The following LCOR variants were observed in gnomAD, a reference collection of about 807,000 sequenced individuals.
LCOR encodes ligand dependent nuclear receptor corepressor.
LCOR carries 14 observed loss-of-function variants against 64.4 expected under a neutral mutation model. The ratio of observed to expected loss-of-function variants is 0.22; its 90% CI spans 0.14 to 0.34. The LOEUF (loss-of-function observed/expected upper bound fraction) is 0.34, where lower values mean the gene tolerates loss of function less well. Among genes scored for constraint, LCOR ranks in the 10% least tolerant of loss-of-function variants. The pLI, the probability that LCOR is intolerant of heterozygous loss-of-function variation, is 1.00. For synonymous variants in LCOR, 643 were observed against 642.5 expected (o/e 1.00, Z -0.01); for missense variants, 1,686 against 1,765.3 (o/e 0.96, Z 0.80).
intron 4 of LCOR, among the ~76,000 whole-genome samples, chr10:96,935,223 A>G (rs2134496433): frequency 7.6e-6 from 1 of 131,060 alleles, no homozygotes; most frequent in Non-Finnish European, 1.5e-5. Flanking sequence ...ATCTTGGCGC[A>G]CTGCAACCTC....
chr10:96,955,040 G>A (rs1226930641), intron 7 of LCOR: 1 of 1,614,040 alleles, frequency 6.2e-7, no homozygotes, highest in Admixed American at 1.7e-5. Context: ...ATGGAACCAG[G>A]GAAGGTTTTG....
At chr10:96,943,230 G>A (rs1847527641) in intron 4 of LCOR, among the ~76,000 whole-genome samples, 1 of 152,152 alleles carries the variant, frequency 6.6e-6, no homozygotes, top group Admixed American at 6.5e-5. Flanking sequence ...TGAGTAGCTG[G>A]GATTGCAGGC....
rs1848167737 is a variant in LCOR, at chr10:96,988,461, T to G, written c.*3327T>G. 1 of 152,196 alleles carries G rather than the reference T, an allele frequency of 6.6e-6. No individual in the cohort carries two copies. Among genetic ancestry groups the G allele is most frequent in the Admixed American group, 6.5e-5 (1 of 15,284 alleles). 9.4% of individuals were successfully genotyped at this position (152,196 alleles called of 1,614,324 possible). A position where few individuals can be genotyped will look rare whatever the true frequency, so the allele number is the denominator to read the frequency against. ...AGAAGAGGTGCCCTTAGTCATCCCT[T>G]TACATATGTGGTGCTTTCTAATGGG... On this transcript the variant is annotated 3_prime_UTR_variant, in exon 8 of 8. Coordinates refer to ENST00000421806, the MANE Select transcript of LCOR (RefSeq NM_001346516.2).
chr10:96,945,114 CTCTTGATAA>C (rs1455777126), intron 5 of LCOR, among the ~76,000 whole-genome samples: 1 of 152,170 alleles, frequency 6.6e-6, no homozygotes, highest in Non-Finnish European at 1.5e-5. Flanking sequence ...TTCATACAAA[CTCTTGATAA>C]TCTTAAATAT....
At chr10:96,855,424 T>C (rs539516134) in intron 2 of LCOR, among the ~76,000 whole-genome samples, 1 of 147,416 alleles carries the variant, frequency 6.8e-6, no homozygotes, top group Non-Finnish European at 1.5e-5. Flanking sequence ...TTTTTTTTTG[T>C]TTTTTGTTTG....
At chr10:96,918,569 G>A (rs996718434) in intron 4 of LCOR, among the ~76,000 whole-genome samples, 2 of 152,176 alleles carry the variant, frequency 1.3e-5, no homozygotes, top group African/African-American at 4.8e-5. Context: ...AAAGGGAGAA[G>A]CTTAAGTACT....
chr10:96,947,417 ATTTG>A (rs1339659011), intron 5 of LCOR, among the ~76,000 whole-genome samples: 1 of 151,974 alleles, frequency 6.6e-6, no homozygotes, highest in African/African-American at 2.4e-5. Flanking sequence ...TTGATGATGT[ATTTG>A]TTTGTTGTTT....
At chr10:96,939,645 A>G (rs1466413601) in intron 4 of LCOR, among the ~76,000 whole-genome samples, 14 of 152,214 alleles carry the variant, frequency 9.2e-5, no homozygotes, top group Non-Finnish European at 2.1e-4. Context: ...GCAACAATAA[A>G]ATGGTAAACG....
intron 2 of LCOR, among the ~76,000 whole-genome samples, chr10:96,857,665 T>TA (rs1378675242): frequency 5.3e-5 from 8 of 152,308 alleles, no homozygotes. Context: ...AAATACTGCC[T>TA]AAAGCATTGT....
At chr10:96,861,310 A>G (rs115000350) in intron 2 of LCOR, among the ~76,000 whole-genome samples, 8,379 of 152,280 alleles carry the variant, frequency 0.055, 778 homozygotes, top group African/African-American at 0.19. Context: ...AGAAAATGTC[A>G]TAAGTTCGTA....
chr10:96,832,569 C>A (rs1845356942), intron 1 of LCOR, among the ~76,000 whole-genome samples, 170 bp downstream of exon 1: 1 of 146,008 alleles, frequency 6.8e-6, no homozygotes, highest in African/African-American at 2.5e-5. Context: ...GCGCGACCTC[C>A]AGGCGGGCTC....
chr10:96,832,945 G>T (rs1325547770), intron 1 of LCOR: 1 of 973,216 alleles, frequency 1.0e-6, no homozygotes. Flanking sequence ...GGCGCCCGGC[G>T]CTCGGGCGTG....
At chr10:96,924,560 T>C (rs541178163) in intron 4 of LCOR, among the ~76,000 whole-genome samples, 1 of 152,206 alleles carries the variant, frequency 6.6e-6, no homozygotes, top group Non-Finnish European at 1.5e-5. Flanking sequence ...AAATTTTTTA[T>C]TTTGAAGTAA....
At chr10:96,913,147 C>T in intron 4 of LCOR, among the ~76,000 whole-genome samples, 1 of 151,910 alleles carries the variant, frequency 6.6e-6, no homozygotes. Context: ...CTCCAAAAAA[C>T]TCTAGTTCCT....
At chr10:96,899,097 G>T (rs939431496) in intron 2 of LCOR, among the ~76,000 whole-genome samples, 1 of 152,102 alleles carries the variant, frequency 6.6e-6, no homozygotes, top group Non-Finnish European at 1.5e-5. Context: ...TCTTAGTAAT[G>T]AATACAGAAT....
Position 96,902,497 on chromosome 10 carries a change from T to C in LCOR, c.-329-4768T>C, listed in dbSNP as rs185943510. On this transcript the variant is annotated intron_variant, in intron 2 of 7. Transcript: ENST00000421806. Reference sequence around the variant, plus strand: ...TTGCTCATTATCTATAGAAGTTCATTTGATCTTTGATTTAATAACATGCTG... The same window carrying C: ...TTGCTCATTATCTATAGAAGTTCATCTGATCTTTGATTTAATAACATGCTG... Among the ~76,000 whole-genome samples the C allele has an allele frequency of 3.9e-5, 6 of 152,344 alleles. No homozygotes were observed. The East Asian group carries it at 1.2e-3, about 29-fold the overall frequency.
At chr10:96,861,244 T>A (rs1324235359) in intron 2 of LCOR, among the ~76,000 whole-genome samples, 1 of 152,204 alleles carries the variant, frequency 6.6e-6, no homozygotes, top group Non-Finnish European at 1.5e-5. Flanking sequence ...TTTAAATACA[T>A]ATGCTTTCCC....
intron 2 of LCOR, among the ~76,000 whole-genome samples, chr10:96,890,819 C>T (rs371718324): frequency 1.6e-4 from 25 of 152,092 alleles, no homozygotes; most frequent in Non-Finnish European, 2.2e-4. Context: ...CTCTTTTCCC[C>T]GCTTTATTCT....
rs767047562 is a variant in LCOR at position 96,981,764 on chromosome 10, C to T, written c.1304C>T (p.Ala435Val). The change falls in exon 8 of 8, where the codon GCG (alanine) becomes GTG (valine). Residue 435 changes from alanine (A) to valine (V), a missense_variant. Around this residue, in one of 3 missense-constraint regions of LCOR, gnomAD observed 1,293 missense variants for 1,410.4 expected, o/e 0.92. Transcript: ENST00000421806. The stretch of plus-strand genomic sequence containing the variant: ...GGCCCTATGCCAGCTGTACACAAAG[C>T]GGCAAATGGACACTCAAGAACCAAG... ...GPGPMPAVHK[A>V]ANGHSRTKMI... The T allele has an allele frequency of 9.9e-6, 16 of 1,614,000 alleles. No individual in the cohort carries two copies. Among genetic ancestry groups the T allele is most frequent in the South Asian group, 3.3e-5 (3 of 91,082 alleles).
Sources: allele counts gnomAD v4.1 joint callset (sites outside exome capture counted in the v4.1 genomes callset), GRCh38; gene constraint gnomAD v4.1.1; regional missense constraint gnomAD v4.1.1; transcripts MANE v1.5; gene names NCBI Gene and HGNC (gene_info 2026-07-23, HGNC 2026-07-21).